Variants in FRMD6 observed in about 807,000 individuals in gnomAD.
FRMD6 encodes the protein FERM domain containing 6.
A neutral mutation model predicts 73.2 loss-of-function variants in FRMD6; 37 were observed. That is an observed-to-expected ratio of 0.51 (90% CI 0.39 to 0.66). The LOEUF is 0.66. Ranked by LOEUF, FRMD6 falls within the 30% of genes least tolerant of loss-of-function variation. The probability of loss-of-function intolerance (pLI) is 0.00; values close to 1 mark genes in which losing one functional copy is unlikely to be tolerated. For missense variants in FRMD6, 714 were observed against 780.5 expected (o/e 0.91, Z 1.02); for synonymous variants, 273 against 282.2 (o/e 0.97, Z 0.33).
At chr14:51,555,641 A>G (rs973782652) in intron 1 of FRMD6, among the ~76,000 whole-genome samples, 5 of 152,180 alleles carry the variant, frequency 3.3e-5, no homozygotes, top group South Asian at 2.1e-4. Context: ...TGTCTCTACT[A>G]AAAACACAAA....
At chr14:51,480,277 G>A in the FRMD6 span, among the ~76,000 whole-genome samples, 237 of 152,278 alleles carry the variant, frequency 1.6e-3, no homozygotes, top group Admixed American at 3.2e-3. Flanking sequence ...CTAACACAGG[G>A]TATACGTACA....
At chr14:51,475,744 C>T in the FRMD6 span, among the ~76,000 whole-genome samples, 8 of 152,146 alleles carry the variant, frequency 5.3e-5, no homozygotes, top group Admixed American at 2.0e-4. Flanking sequence ...CAGGTAATAA[C>T]TGAGATGCCT....
At chr14:51,689,606 AGTG>A (rs1895402019) in intron 1 of FRMD6, 82 bp from the exon 2 acceptor site, 3 of 525,418 alleles carry the variant, frequency 5.7e-6, no homozygotes, top group Non-Finnish European at 6.9e-6. Flanking sequence ...CCACAATAGT[AGTG>A]GTGCTGTGCT....
At chr14:51,466,224 T>C in the FRMD6 span, among the ~76,000 whole-genome samples, 1 of 152,220 alleles carries the variant, frequency 6.6e-6, no homozygotes, top group African/African-American at 2.4e-5. Flanking sequence ...TTACATTTAT[T>C]AATTGTGTCT....
chr14:51,414,173 C>G, the FRMD6 span, among the ~76,000 whole-genome samples: 1 of 152,174 alleles, frequency 6.6e-6, no homozygotes, highest in Non-Finnish European at 1.5e-5. Flanking sequence ...TCCCATTTGT[C>G]TATTTTGGCT....
intron 2 of FRMD6, among the ~76,000 whole-genome samples, chr14:51,602,652 A>C (rs977599706): frequency 2.6e-5 from 4 of 152,228 alleles, no homozygotes; most frequent in Admixed American, 6.5e-5. Context: ...TATGGCCCAA[A>C]AAGCCTAAAA....
chr14:51,653,488 G>A lies in FRMD6; in HGVS notation c.-147+1492G>A, dbSNP rs546650393. ...GTCATTAAAAAGGCTTGTGACTTTT[G>A]GGTTTCCTTCTTAGAGCAGTGCATG... On this transcript the variant is annotated intron_variant, in intron 1 of 13. Coordinates refer to ENST00000344768, the MANE Select transcript of FRMD6 (RefSeq NM_001267046.2). Among the ~76,000 whole-genome samples, 17 of 152,238 alleles carry A rather than the reference G, an allele frequency of 1.1e-4. No individual in the cohort carries two copies. In the South Asian group the frequency reaches 3.5e-3, roughly 32 times the overall value.
At chr14:51,575,982 G>A (rs1888382027) in intron 2 of FRMD6, 1 of 152,426 alleles carries the variant, frequency 6.6e-6, no homozygotes, top group Non-Finnish European at 1.5e-5. Flanking sequence ...GTAGCCAGGA[G>A]CCAGAATAGA....
At chr14:51,413,574 G>C in the FRMD6 span, among the ~76,000 whole-genome samples, 1 of 152,182 alleles carries the variant, frequency 6.6e-6, no homozygotes, top group Admixed American at 6.5e-5. Context: ...GGACATTTGG[G>C]TTGGTTCCAA....
At chr14:51,490,150 G>A (rs926881206) in intron 1 of FRMD6, among the ~76,000 whole-genome samples, 1 of 152,212 alleles carries the variant, frequency 6.6e-6, no homozygotes, top group Non-Finnish European at 1.5e-5. Flanking sequence ...TATGATGCAT[G>A]TGTGATAGAA....
At chr14:51,617,725 A>G (rs1890770593) in intron 2 of FRMD6, among the ~76,000 whole-genome samples, 1 of 152,178 alleles carries the variant, frequency 6.6e-6, no homozygotes, top group Admixed American at 6.5e-5. Context: ...TTTAATCATT[A>G]TAATTATTAT....
At chr14:51,479,379 C>G in the FRMD6 span, among the ~76,000 whole-genome samples, 8 of 152,268 alleles carry the variant, frequency 5.3e-5, no homozygotes, top group East Asian at 1.5e-3. Flanking sequence ...AATGACCACC[C>G]AACTATACTA....
the FRMD6 span, among the ~76,000 whole-genome samples, chr14:51,481,550 C>T: frequency 6.6e-6 from 1 of 152,212 alleles, no homozygotes; most frequent in African/African-American, 2.4e-5. Flanking sequence ...CACAGCCAAG[C>T]CATATCAAAC....
Position 51,609,800 on chromosome 14 carries a change from T to C in FRMD6, c.-147+39390T>C, listed in dbSNP as rs1050502727. ...GTTAAGGATTAGGGTTTTGTGTTTG[T>C]GGTTCTTAAACACTTAACATATACC... On this transcript the variant is annotated intron_variant, in intron 2 of 14. Coordinates refer to the FRMD6 transcript ENST00000356218. 5.9e-5 allele frequency among the ~76,000 whole-genome samples: 9 copies of C among 152,284 alleles called. No homozygotes were observed. In the South Asian group the frequency reaches 8.3e-4, roughly 14 times the overall value.
the FRMD6 span, among the ~76,000 whole-genome samples, chr14:51,462,318 G>A: frequency 6.8e-4 from 104 of 152,298 alleles, no homozygotes; most frequent in Middle Eastern, 3.4e-3. Flanking sequence ...GCCTCGGGGG[G>A]TTGTGAATAC....
rs578015800 is a variant in FRMD6 at position 51,708,559 on chromosome 14, G to A, written c.714+326G>A. On this transcript the variant is annotated intron_variant, in intron 7 of 13. Transcript: ENST00000344768. ...CCCCAAATCTGCTTTTCTGCTTTGGGGAATAGCATTTGCAACTTCTTTGAT... is the reference window on the plus strand; with the variant it reads ...CCCCAAATCTGCTTTTCTGCTTTGGAGAATAGCATTTGCAACTTCTTTGAT... 2.0e-5 allele frequency among the ~76,000 whole-genome samples: 3 copies of A among 151,978 alleles called. 1 individual carries two copies. Among genetic ancestry groups the A allele is most frequent in the South Asian group, 4.2e-4 (2 of 4,808 alleles).
Position 51,715,446 on chromosome 14 carries a change from A to G in FRMD6, c.971A>G (p.Tyr324Cys), listed in dbSNP as rs1421793905. 16 of 1,613,708 alleles carry G rather than the reference A, an allele frequency of 9.9e-6. No individual in the cohort carries two copies. The highest frequency in any genetic ancestry group is 1.4e-5 in the Non-Finnish European group (16 of 1,179,844). ...CTTCTGAGCAACAGCCACCGCCTCT[A>G]TATGAATCTGCAGCCTGTCCTGCGC... ...LQLLSNSHRLYMNLQPVLRHI... is the reference protein window; with the variant it reads ...LQLLSNSHRLCMNLQPVLRHI... Residue 324 changes from tyrosine (Y) to cysteine (C), a missense_variant, in exon 10 of 14, where the codon TAT becomes TGT. By Grantham distance (194) the Tyr-to-Cys change is radical. Transcript: ENST00000344768.
the FRMD6 span, among the ~76,000 whole-genome samples, chr14:51,397,739 C>T: frequency 6.6e-6 from 1 of 152,178 alleles, no homozygotes. Context: ...TTCCACACCT[C>T]ACCTCGTGTG....
In FRMD6 at chr14:51,583,700, C is replaced by T. The variant is rs556600301; in HGVS notation, c.-147+13290C>T. Among the ~76,000 whole-genome samples, 6 of 152,336 alleles carry T rather than the reference C, an allele frequency of 3.9e-5. No individual in the cohort carries two copies. The South Asian group carries it at 1.0e-3, about 26-fold the overall frequency. On this transcript the variant is annotated intron_variant, in intron 2 of 14. Coordinates refer to the FRMD6 transcript ENST00000356218. ...TAGGATTTGACTCCAGGTGGTCTGG[C>T]TCCAGGGCCCAGGCTCTTTGGCTAC...
Sources: allele counts gnomAD v4.1 joint callset (sites outside exome capture counted in the v4.1 genomes callset), GRCh38; gene constraint gnomAD v4.1.1; transcripts MANE v1.5; gene names NCBI Gene and HGNC (gene_info 2026-07-23, HGNC 2026-07-21).